Variants in CAPN14 observed in about 807,000 individuals in gnomAD.
CAPN14 encodes the protein calpain 14.
A neutral mutation model predicts 101.3 loss-of-function variants in CAPN14; 94 were observed. That is an observed-to-expected ratio of 0.93 (90% CI 0.79 to 1.10). The LOEUF (loss-of-function observed/expected upper bound fraction) is 1.10. Ranked by LOEUF, CAPN14 falls within the 50% of genes least tolerant of loss-of-function variation. CAPN14 has a pLI of 0.00. For synonymous variants in CAPN14, 338 were observed against 317.9 expected (o/e 1.06, Z -0.67); for missense variants, 837 against 828.4 (o/e 1.01, Z -0.13).
At chr2:31,177,911 G>C (rs1680391757) in intron 18 of CAPN14, 90 bp from the exon 19 acceptor site, 4 of 908,248 alleles carry the variant, frequency 4.4e-6, no homozygotes, top group South Asian at 2.9e-5. Context: ...CACCGCAGAG[G>C]GGCTGTTGAA....
intron 12 of CAPN14, among the ~76,000 whole-genome samples, chr2:31,189,896 A>T (rs1681091515): frequency 6.6e-6 from 1 of 152,030 alleles, no homozygotes; most frequent in Non-Finnish European, 1.5e-5. Context: ...CCTGTTCTTT[A>T]CCCTTCCTGA....
rs372794820 is a variant in CAPN14 at position 31,176,528 on chromosome 2, C to T, written c.2028+59G>A. 2,411 of 1,365,186 alleles carry T rather than the reference C, an allele frequency of 1.8e-3. 9 individuals carry two copies. The highest frequency in any genetic ancestry group is 2.2e-3 in the Non-Finnish European group (2,161 of 977,146). 84.6% of individuals were successfully genotyped at this position (1,365,186 alleles called of 1,614,324 possible). ...CCCTTCTCCTTCACAAGAGCATGGT[C>T]CCGCAAGGGCCACCTCTACGTAAGA... On this transcript the variant is annotated intron_variant, in intron 21 of 21. Coordinates refer to ENST00000403897, the MANE Select transcript of CAPN14 (RefSeq NM_001145122.2).
At chr2:31,179,857 G>T (rs1332435505) in intron 17 of CAPN14, among the ~76,000 whole-genome samples, 2 of 152,158 alleles carry the variant, frequency 1.3e-5, no homozygotes, top group African/African-American at 4.8e-5. Flanking sequence ...CTGCATAAAT[G>T]TCTTCTTTTG....
intron 19 of CAPN14, 141 bp downstream of exon 19, chr2:31,177,605 G>A: frequency 1.6e-6 from 1 of 643,448 alleles, no homozygotes; most frequent in Non-Finnish European, 2.8e-6. Context: ...AAAAATGTTG[G>A]AGTTGACTGC....
intron 9 of CAPN14, 140 bp from the exon 10 acceptor site, chr2:31,193,434 G>C: frequency 1.2e-6 from 1 of 826,292 alleles, no homozygotes; most frequent in East Asian, 2.7e-5. Flanking sequence ...GCAGAGCTGA[G>C]CTGACGATAG....
intron 7 of CAPN14, among the ~76,000 whole-genome samples, chr2:31,199,252 G>C (rs1011937910): frequency 6.6e-5 from 10 of 152,178 alleles, no homozygotes; most frequent in African/African-American, 2.4e-4. Context: ...GGTTGGCTGA[G>C]GGCTGCCCCA....
chr2:31,188,688 A>G (rs940216226), intron 13 of CAPN14, among the ~76,000 whole-genome samples: 1 of 152,248 alleles, frequency 6.6e-6, no homozygotes, highest in Non-Finnish European at 1.5e-5. Flanking sequence ...AAACAAAACA[A>G]AAAGCACAAA....
At chr2:31,218,916 TGAA>T (rs1682769348), upstream of CAPN14, among the ~76,000 whole-genome samples, 1 of 152,202 alleles carries the variant, frequency 6.6e-6, no homozygotes, top group Admixed American at 6.5e-5. Context: ...CGCATGGGTC[TGAA>T]GGTGTTATGA....
intron 17 of CAPN14, among the ~76,000 whole-genome samples, chr2:31,179,380 TC>T (rs1680480779): frequency 6.6e-6 from 1 of 152,154 alleles, no homozygotes; most frequent in African/African-American, 2.4e-5. Flanking sequence ...TGCATCCATG[TC>T]CCTATAAAGG....
At chr2:31,197,156 A>C in intron 8 of CAPN14, 93 bp downstream of exon 8, 2 of 845,718 alleles carry the variant, frequency 2.4e-6, no homozygotes. Flanking sequence ...GCCTAAGACC[A>C]AAGAAAGCAC....
At chr2:31,205,056 T>G (rs1681998567) in intron 2 of CAPN14, among the ~76,000 whole-genome samples, 167 bp downstream of exon 2, 2 of 152,150 alleles carry the variant, frequency 1.3e-5, no homozygotes, top group African/African-American at 4.8e-5. Context: ...TTGCTTGGCA[T>G]GTGGGGAAAA....
chr2:31,175,718 C>A (rs951703854), intron 21 of CAPN14, among the ~76,000 whole-genome samples: 1 of 152,238 alleles, frequency 6.6e-6, no homozygotes. Context: ...CAGGTCCCTA[C>A]AGCTTGGAAA....
At chr2:31,207,828 A>G (rs1219494160) in intron 1 of CAPN14, among the ~76,000 whole-genome samples, 2 of 152,208 alleles carry the variant, frequency 1.3e-5, no homozygotes, top group African/African-American at 2.4e-5. Context: ...AATTGCTATA[A>G]AAGTTTCTAA....
chr2:31,197,549 G>A (rs7595622), intron 7 of CAPN14, among the ~76,000 whole-genome samples: 30,285 of 152,178 alleles, frequency 0.2, 3,355 homozygotes, highest in East Asian at 0.37. Context: ...TTCCCGATCT[G>A]TGAAATAAGG....
chr2:31,223,477 G>A (rs968505859), intron 2 of CAPN14, among the ~76,000 whole-genome samples: 16 of 151,756 alleles, frequency 1.1e-4, no homozygotes, highest in African/African-American at 3.6e-4. Context: ...CAGAAAGACA[G>A]TGACACCTCC....
intron 2 of CAPN14, among the ~76,000 whole-genome samples, chr2:31,223,464 C>T (rs1426632302): frequency 6.6e-6 from 1 of 152,130 alleles, no homozygotes; most frequent in African/African-American, 2.4e-5. Flanking sequence ...ACATCCTACC[C>T]TTCAGAAAGA....
At chr2:31,195,353 T>C (rs1477934365) in intron 8 of CAPN14, among the ~76,000 whole-genome samples, 1 of 152,198 alleles carries the variant, frequency 6.6e-6, no homozygotes, top group African/African-American at 2.4e-5. Flanking sequence ...TCACTTATTT[T>C]TGAGACAGAC....
At chr2:31,204,371 C>T (rs763243437) in intron 2 of CAPN14, among the ~76,000 whole-genome samples, 2 of 152,134 alleles carry the variant, frequency 1.3e-5, no homozygotes, top group Non-Finnish European at 2.9e-5. Flanking sequence ...CCTTGGGAAC[C>T]TCTAGAGTGA....
rs532851200 is a variant in CAPN14 at position 31,186,320 on chromosome 2, C to G, written c.1645+108G>C. On this transcript the variant is annotated intron_variant, in intron 16 of 21. Coordinates refer to ENST00000403897, the MANE Select transcript of CAPN14 (RefSeq NM_001145122.2). ...GTGTAAAATATAGCCAGAGTTGAGA[C>G]CAGTGCTCAGTAATTCACACATCCC... 1.7e-4 allele frequency: 111 copies of G among 644,230 alleles called. 1 individual carries two copies. In the South Asian group the frequency reaches 2.9e-3, roughly 17 times the overall value. 39.9% of individuals were successfully genotyped at this position (644,230 alleles called of 1,614,324 possible).
Sources: allele counts gnomAD v4.1 joint callset (sites outside exome capture counted in the v4.1 genomes callset), GRCh38; gene constraint gnomAD v4.1.1; transcripts MANE v1.5; gene names NCBI Gene and HGNC (gene_info 2026-07-23, HGNC 2026-07-21).